Variants in PLXNA4 observed in about 807,000 individuals in gnomAD.
The protein encoded by PLXNA4 is plexin A4.
PLXNA4 carries 44 observed loss-of-function variants against 191.8 expected under a neutral mutation model. That is an observed-to-expected ratio of 0.23 (90% confidence interval 0.18 to 0.29). The LOEUF is 0.29. Among genes scored for constraint, PLXNA4 ranks in the 10% least tolerant of loss-of-function variants. PLXNA4 has a pLI of 1.00. For synonymous variants in PLXNA4, 1,082 were observed against 1,009.5 expected (o/e 1.07, Z -1.36); for missense variants, 1,800 against 2,488.8 (o/e 0.72, Z 5.89).
At chr7:132,488,216 A>G (rs988445082) in intron 3 of PLXNA4, among the ~76,000 whole-genome samples, 3 of 152,136 alleles carry the variant, frequency 2.0e-5, no homozygotes, top group African/African-American at 7.2e-5. Flanking sequence ...CTCCCATTCC[A>G]GACACACCAC....
At chr7:132,239,715 C>A (rs1798815717) in intron 5 of PLXNA4, among the ~76,000 whole-genome samples, 1 of 152,184 alleles carries the variant, frequency 6.6e-6, no homozygotes, top group East Asian at 1.9e-4. Context: ...TCTATGCTGG[C>A]CACTCCTAGG....
At chr7:132,555,045 G>GAAAAAAAAAAACAAAAAAAAAAAAAAAA (rs770401001) in intron 1 of PLXNA4, among the ~76,000 whole-genome samples, 2 of 111,930 alleles carry the variant, frequency 1.8e-5, no homozygotes, top group East Asian at 5.0e-4. Context: ...AAACCTGAAG[G>GAAAAAAAAAAACAAAAAAAAAAAAAAAA]AAAAAAAAAA....
In PLXNA4 at chr7:132,614,308, T is replaced by C. The variant is rs1803109480; in HGVS notation, c.-87+31620A>G. On this transcript the variant is annotated intron_variant, in intron 2 of 4. Transcript: ENST00000378539. Reference sequence around the variant, plus strand: ...AAAATCCAATGTGTGATTGACACACTGCACATCTCAATTCAGACTAGCCAC... The same window carrying C: ...AAAATCCAATGTGTGATTGACACACCGCACATCTCAATTCAGACTAGCCAC... Among the ~76,000 whole-genome samples, 3 of 152,360 alleles carry C rather than the reference T, an allele frequency of 2.0e-5. No homozygotes were observed. In the South Asian group the frequency reaches 6.2e-4, roughly 32 times the overall value.
At position 132,226,141 on chromosome 7, in the gene PLXNA4, G is replaced by A. The variant is rs756218696; in HGVS notation, c.1982+20C>T. The A allele has an allele frequency of 6.2e-7, 1 of 1,603,770 alleles. No homozygotes were observed. Among genetic ancestry groups the A allele is most frequent in the Non-Finnish European group, 8.5e-7 (1 of 1,171,040 alleles). On this transcript the variant is annotated intron_variant, in intron 8 of 31. Transcript: ENST00000321063. Reference sequence around the variant, plus strand: ...ACTTGACCCCAGGAACGGGAAGTGGGTAAGGCTGGGGCCACTTACGAATTG... The same window carrying A: ...ACTTGACCCCAGGAACGGGAAGTGGATAAGGCTGGGGCCACTTACGAATTG...
chr7:132,196,556 G>T (rs1323762484), intron 13 of PLXNA4, among the ~76,000 whole-genome samples: 1 of 152,104 alleles, frequency 6.6e-6, no homozygotes, highest in Non-Finnish European at 1.5e-5. Flanking sequence ...AATCACTTCT[G>T]AGTTTTTACT....
intron 2 of PLXNA4, among the ~76,000 whole-genome samples, chr7:132,609,918 A>AT (rs1234008272): frequency 6.6e-6 from 1 of 152,158 alleles, no homozygotes; most frequent in Admixed American, 6.5e-5. Flanking sequence ...AGAGATGCCC[A>AT]TTTTTTCCCA....
intron 9 of PLXNA4, among the ~76,000 whole-genome samples, chr7:132,211,841 C>T (rs1042873601): frequency 1.3e-5 from 2 of 152,118 alleles, no homozygotes; most frequent in African/African-American, 4.8e-5. Flanking sequence ...GCCCAGATGG[C>T]CTTTGGGATG....
chr7:132,272,182 T>C (rs1800102588), intron 4 of PLXNA4, among the ~76,000 whole-genome samples: 1 of 152,226 alleles, frequency 6.6e-6, no homozygotes, highest in Non-Finnish European at 1.5e-5. Context: ...TTTTATGTCC[T>C]TCAGTCTTCC....
chr7:132,129,491 G>A lies in PLXNA4; in HGVS notation c.*988C>T, dbSNP rs1267713856. On this transcript the variant is annotated 3_prime_UTR_variant, in exon 32 of 32. Coordinates refer to ENST00000321063, the MANE Select transcript of PLXNA4 (RefSeq NM_020911.2). ...CTAGATGCACTCTGCATTTCACGTT[G>A]ACCCTTGATGAAGGTTGACAAAGGA... 1 of 152,258 alleles carries A rather than the reference G, an allele frequency of 6.6e-6. No homozygotes were observed. Among genetic ancestry groups the A allele is most frequent in the Non-Finnish European group, 1.5e-5 (1 of 68,074 alleles). 9.4% of individuals were successfully genotyped at this position (152,258 alleles called of 1,614,324 possible). A position where few individuals can be genotyped will look rare whatever the true frequency, so the allele number is the denominator to read the frequency against.
intron 1 of PLXNA4, among the ~76,000 whole-genome samples, chr7:132,566,614 GA>G (rs997230290): frequency 1.3e-4 from 20 of 151,310 alleles, no homozygotes; most frequent in African/African-American, 3.9e-4. Context: ...AGCAGTTGGA[GA>G]AAAAAAAATT....
intron 5 of PLXNA4, among the ~76,000 whole-genome samples, chr7:132,232,562 C>T (rs984948667): frequency 4.6e-5 from 7 of 152,102 alleles, no homozygotes; most frequent in African/African-American, 7.2e-5. Context: ...AGCCTCAGAT[C>T]AAAGGTGCAA....
rs543016360 is a variant in PLXNA4 at position 132,156,107 on chromosome 7, A to G, written c.4660+3366T>C. On this transcript the variant is annotated intron_variant, in intron 25 of 31. Transcript: ENST00000321063. ...ATCGTATGACCACTTCTTTAAAATG[A>G]ATCTCTCTCTCTCTCTGTTTCTGGA... 4.4e-4 allele frequency among the ~76,000 whole-genome samples: 40 copies of G among 91,942 alleles called. 1 individual carries two copies. In the East Asian group the frequency reaches 0.019, roughly 43 times the overall value. The allele number at this position is 91,942 out of a possible 152,430, so 60.3% of individuals were successfully genotyped here.
At chr7:132,352,894 G>A (rs992042256) in intron 3 of PLXNA4, among the ~76,000 whole-genome samples, 1 of 152,116 alleles carries the variant, frequency 6.6e-6, no homozygotes, top group East Asian at 1.9e-4. Context: ...CACCAGTCAA[G>A]TACGTTGCAA....
rs1802234782 is a variant in PLXNA4, at chr7:132,576,334, T to G, written c.-87+88A>C. On this transcript the variant is annotated intron_variant, in intron 1 of 31. Coordinates refer to ENST00000321063, the MANE Select transcript of PLXNA4 (RefSeq NM_020911.2). The surrounding 1 kb of genome is among the most constrained non-coding windows in gnomAD (Gnocchi z 5.8). The stretch of plus-strand genomic sequence containing the variant: ...GTGCCGCGGGCTGGCTCCGGGACAC[T>G]GAGGACTCCCGGGTCGGCCCAGGTC... 6 of 944,772 alleles carry G rather than the reference T, an allele frequency of 6.4e-6. No individual in the cohort carries two copies. The highest frequency in any genetic ancestry group is 7.6e-6 in the Non-Finnish European group (6 of 793,322). 58.5% of individuals were successfully genotyped at this position (944,772 alleles called of 1,614,324 possible).
At chr7:132,647,232 C>CACAT (rs952619366) in intron 1 of PLXNA4, among the ~76,000 whole-genome samples, 1 of 151,724 alleles carries the variant, frequency 6.6e-6, no homozygotes, top group African/African-American at 2.4e-5. Context: ...TATACACTCA[C>CACAT]ACATACACTG....
At chr7:132,408,629 A>G (rs1794324954) in intron 3 of PLXNA4, among the ~76,000 whole-genome samples, 1 of 151,916 alleles carries the variant, frequency 6.6e-6, no homozygotes, top group Non-Finnish European at 1.5e-5. Flanking sequence ...ACATCTGGCT[A>G]ATTTTTTTCT....
At chr7:132,332,980 C>T (rs1802654314) in intron 3 of PLXNA4, among the ~76,000 whole-genome samples, 1 of 152,156 alleles carries the variant, frequency 6.6e-6, no homozygotes, top group African/African-American at 2.4e-5. Flanking sequence ...CTCTCTCTTA[C>T]TCTTTCTTGC....
At chr7:132,568,473 ACT>A (rs1295559530) in intron 1 of PLXNA4, among the ~76,000 whole-genome samples, 1 of 151,804 alleles carries the variant, frequency 6.6e-6, no homozygotes, top group Non-Finnish European at 1.5e-5. Context: ...TTGCCATCTG[ACT>A]CTGTTCTGAA....
In PLXNA4 at chr7:132,147,694, C is replaced by G. The variant is rs529487399; in HGVS notation, c.4864+206G>C. On this transcript the variant is annotated intron_variant, in intron 27 of 31. Transcript: ENST00000321063. ...GAAAGTTGGCTTTACTTCTTTTGCT[C>G]GTGGATGAAGGTCTTGCTTATGCAT... Among the ~76,000 whole-genome samples, 8 of 152,306 alleles carry G rather than the reference C, an allele frequency of 5.3e-5. No individual in the cohort carries two copies. The South Asian group carries it at 1.7e-3, about 32-fold the overall frequency.
Sources: gnomAD v4.1 joint callset for allele counts (sites outside exome capture counted in the v4.1 genomes callset) on GRCh38, gnomAD v4.1.1 for gene constraint, Gnocchi (gnomAD v3.1) non-coding constraint, MANE v1.5 for transcripts, NCBI Gene and HGNC (gene_info 2026-07-23, HGNC 2026-07-21) for gene names.